The following ULK4 variants were observed in gnomAD, a reference collection of about 807,000 sequenced individuals.
ULK4 encodes unc-51 like kinase 4.
ULK4 carries 133 observed loss-of-function variants against 160.6 expected under a neutral mutation model. The ratio of observed to expected loss-of-function variants is 0.83; its 90% CI spans 0.72 to 0.96. The LOEUF (loss-of-function observed/expected upper bound fraction) is 0.96. Among genes scored for constraint, ULK4 ranks in the 40% least tolerant of loss-of-function variants. ULK4 has a pLI of 0.00. For missense variants in ULK4, 1,580 were observed against 1,499.5 expected, an observed-to-expected ratio of 1.05 and a Z score of -0.89; for synonymous variants, 534 against 539.8, an observed-to-expected ratio of 0.99 and a Z score of 0.15.
intron 16 of ULK4, among the ~76,000 whole-genome samples, chr3:41,889,080 A>G (rs747800920): frequency 2.0e-5 from 3 of 152,244 alleles, no homozygotes; most frequent in Non-Finnish European, 4.4e-5. Context: ...AGCATTAAAA[A>G]GCAGGACCAT....
At position 41,914,643 on chromosome 3, in the gene ULK4, CATATA is replaced by C. The variant is rs1415625375; in HGVS notation, c.803+1329_803+1333del. 3.9e-5 allele frequency: 6 copies of C among 152,296 alleles called. No individual in the cohort carries two copies. In the East Asian group the frequency reaches 1.2e-3, roughly 29 times the overall value. 9.4% of individuals were successfully genotyped at this position (152,296 alleles called of 1,614,324 possible). On this transcript the variant is annotated intron_variant, in intron 8 of 36. Transcript: ENST00000301831. ...CAAAAGGATATTTACTGTAACAACACATATAATATTCCAAATCAAGAGGCATTCTA... is the reference window on the plus strand; with the variant it reads ...CAAAAGGATATTTACTGTAACAACACATATTCCAAATCAAGAGGCATTCTA...
intron 30 of ULK4, among the ~76,000 whole-genome samples, chr3:41,648,186 A>G (rs1220378528): frequency 3.3e-5 from 5 of 152,138 alleles, no homozygotes; most frequent in African/African-American, 4.8e-5. Flanking sequence ...CAGCTCCCAC[A>G]AAGTGCGCTG....
intron 35 of ULK4, among the ~76,000 whole-genome samples, chr3:41,279,572 T>A (rs200145475): frequency 3.2e-3 from 3 of 948 alleles, no homozygotes; most frequent in South Asian, 0.091. Flanking sequence ...AAGGTCGGGT[T>A]ACCCCCAAAG....
At chr3:41,521,171 GA>G (rs1448501231) in intron 32 of ULK4, among the ~76,000 whole-genome samples, 1 of 152,084 alleles carries the variant, frequency 6.6e-6, no homozygotes, top group African/African-American at 2.4e-5. Flanking sequence ...TTACACTACT[GA>G]AAAACCAACT....
chr3:41,830,371 G>A (rs1371016348), intron 18 of ULK4, among the ~76,000 whole-genome samples: 2 of 151,898 alleles, frequency 1.3e-5, no homozygotes, highest in Admixed American at 6.6e-5. Flanking sequence ...GATTCTGTAT[G>A]ATTCTATCTG....
chr3:41,748,144 CTATA>C (rs143813305), intron 22 of ULK4, among the ~76,000 whole-genome samples: 5 of 145,552 alleles, frequency 3.4e-5, no homozygotes, highest in South Asian at 4.3e-4. Context: ...TATATAGAGA[CTATA>C]TATATATATA....
chr3:41,482,053 A>G (rs2084346836), intron 32 of ULK4, among the ~76,000 whole-genome samples: 1 of 152,106 alleles, frequency 6.6e-6, no homozygotes, highest in African/African-American at 2.4e-5. Context: ...TACTTCGCCT[A>G]TGAAGTAGCT....
intron 34 of ULK4, among the ~76,000 whole-genome samples, chr3:41,404,758 C>G (rs2082259766): frequency 6.6e-6 from 1 of 152,178 alleles, no homozygotes; most frequent in Admixed American, 6.5e-5. Context: ...GGCTCTCTCT[C>G]TCGCCCTCTT....
At chr3:41,476,719 C>A (rs987201429) in intron 32 of ULK4, among the ~76,000 whole-genome samples, 2 of 152,068 alleles carry the variant, frequency 1.3e-5, no homozygotes, top group Non-Finnish European at 2.9e-5. Context: ...GACTACTGGG[C>A]AAATGCATAG....
chr3:41,350,464 C>G (rs1281957495), intron 35 of ULK4, among the ~76,000 whole-genome samples: 3 of 151,520 alleles, frequency 2.0e-5, no homozygotes, highest in African/African-American at 7.3e-5. Flanking sequence ...ATGTGTAAAC[C>G]AAAAAGTAAT....
intron 27 of ULK4, among the ~76,000 whole-genome samples, chr3:41,688,915 G>C (rs1272407216): frequency 6.6e-6 from 1 of 152,152 alleles, no homozygotes; most frequent in Admixed American, 6.5e-5. Flanking sequence ...ACAGGAACCA[G>C]TAGGGAAGCC....
At chr3:41,785,869 T>A (rs566910852) in intron 21 of ULK4, among the ~76,000 whole-genome samples, 1 of 152,224 alleles carries the variant, frequency 6.6e-6, no homozygotes, top group Non-Finnish European at 1.5e-5. Context: ...CCTTCCTCCC[T>A]GCTGGCTGTG....
At chr3:41,896,171 G>A (rs1282349696) in intron 15 of ULK4, among the ~76,000 whole-genome samples, 5 of 152,122 alleles carry the variant, frequency 3.3e-5, no homozygotes, top group African/African-American at 4.8e-5. Flanking sequence ...TAAAGGAACC[G>A]ACACCCCCGA....
chr3:41,687,255 C>T (rs1219092212), intron 27 of ULK4, among the ~76,000 whole-genome samples: 1 of 151,920 alleles, frequency 6.6e-6, no homozygotes, highest in Non-Finnish European at 1.5e-5. Flanking sequence ...CGCCTGTAGT[C>T]CCAGCTACTC....
chr3:41,754,024 T>G (rs2038712179), intron 22 of ULK4, among the ~76,000 whole-genome samples: 1 of 152,020 alleles, frequency 6.6e-6, no homozygotes, highest in Non-Finnish European at 1.5e-5. Flanking sequence ...AAGAACAGAA[T>G]GGGGGAAACC....
chr3:41,860,111 A>C (rs1245083115), intron 17 of ULK4, among the ~76,000 whole-genome samples: 1 of 152,096 alleles, frequency 6.6e-6, no homozygotes, highest in African/African-American at 2.4e-5. Flanking sequence ...ATATTATTTC[A>C]ATTTTTTGAA....
In ULK4 at chr3:41,287,723, C is replaced by T. The variant is rs1015885504; in HGVS notation, c.3679-38149G>A. Among the ~76,000 whole-genome samples the T allele has an allele frequency of 3.4e-4, 51 of 152,184 alleles. 1 individual carries two copies. The highest frequency in any genetic ancestry group is 1.5e-5 in the Non-Finnish European group (1 of 68,034). On this transcript the variant is annotated intron_variant, in intron 35 of 36. Coordinates refer to ENST00000301831, the MANE Select transcript of ULK4 (RefSeq NM_017886.4). ...ACGGAAGCTGAGATTTCCTCTCAAC[C>T]AAGTACTCACAGTGAAAACTTCACA...
At chr3:41,822,469 G>A (rs2041176820) in intron 18 of ULK4, among the ~76,000 whole-genome samples, 1 of 152,084 alleles carries the variant, frequency 6.6e-6, no homozygotes, top group Non-Finnish European at 1.5e-5. Flanking sequence ...CCAGGCTGGA[G>A]TGCAGTGGCA....
At chr3:41,801,009 CA>C (rs1228814669) in intron 19 of ULK4, among the ~76,000 whole-genome samples, 1 of 151,892 alleles carries the variant, frequency 6.6e-6, no homozygotes, top group Non-Finnish European at 1.5e-5. Flanking sequence ...GCAAAGAAGC[CA>C]AAAAATATGA....
Sources: allele counts gnomAD v4.1 joint callset (sites outside exome capture counted in the v4.1 genomes callset), GRCh38; gene constraint gnomAD v4.1.1; transcripts MANE v1.5; gene names NCBI Gene and HGNC (gene_info 2026-07-23, HGNC 2026-07-21).